DHDDS: variants seen among roughly 807,000 people sequenced by gnomAD.
DHDDS encodes dehydrodolichyl diphosphate synthase complex subunit DHDDS.
Under a neutral mutation model 46.2 loss-of-function variants are expected in DHDDS, and 16 were observed. That is an observed-to-expected ratio of 0.35 (90% CI 0.23 to 0.53). The LOEUF (loss-of-function observed/expected upper bound fraction) is 0.53. Ranked by LOEUF, DHDDS falls within the 20% of genes least tolerant of loss-of-function variation. The probability of loss-of-function intolerance (pLI) is 0.94; values close to 1 mark genes in which losing one functional copy is unlikely to be tolerated. For synonymous variants in DHDDS, 151 were observed against 163.1 expected, an observed-to-expected ratio of 0.93 and a Z score of 0.56; for missense variants, 340 against 423.7, an observed-to-expected ratio of 0.80 and a Z score of 1.73.
intron 8 of DHDDS, 152 bp downstream of exon 8, chr1:26,460,296 C>T (rs1331364342): frequency 2.8e-6 from 2 of 716,606 alleles, no homozygotes; most frequent in East Asian, 2.7e-5. Flanking sequence ...TACTACTTGT[C>T]AGGCACTGCG....
At chr1:26,442,096 A>G (rs2075224551) in intron 3 of DHDDS, among the ~76,000 whole-genome samples, 1 of 152,150 alleles carries the variant, frequency 6.6e-6, no homozygotes, top group South Asian at 2.1e-4. Flanking sequence ...TTTTTGACAT[A>G]TTCTTCAACT....
intron 2 of DHDDS, among the ~76,000 whole-genome samples, chr1:26,435,551 C>T (rs1342401540): frequency 6.7e-6 from 1 of 149,094 alleles, no homozygotes; most frequent in Non-Finnish European, 1.5e-5. Flanking sequence ...CATTCTCCTG[C>T]TTCAGCCTCC....
At chr1:26,463,811 C>T (rs980661989) in intron 8 of DHDDS, among the ~76,000 whole-genome samples, 1 of 151,640 alleles carries the variant, frequency 6.6e-6, no homozygotes, top group Non-Finnish European at 1.5e-5. Context: ...CGGCCTGAAA[C>T]TCTTGTTTCT....
At chr1:26,468,234 G>A (rs1182451733) in intron 8 of DHDDS, among the ~76,000 whole-genome samples, 1 of 152,048 alleles carries the variant, frequency 6.6e-6, no homozygotes, top group East Asian at 1.9e-4. Flanking sequence ...TCATAGGGGG[G>A]TCATTTGCTG....
At chr1:26,444,736 T>C (rs1245259833) in intron 4 of DHDDS, among the ~76,000 whole-genome samples, 1 of 152,130 alleles carries the variant, frequency 6.6e-6, no homozygotes, top group African/African-American at 2.4e-5. Flanking sequence ...GTGCAACAGA[T>C]CGAGACCCTG....
rs758618507 is a variant in DHDDS at position 26,469,108 on chromosome 1, C to T, written c.979C>T (p.Arg327Cys). ...ACTCAAGCGAGCTGACTGGCTGGCC[C>T]GTCTGGGCACTGCATCAGCCTGAAT... The part of the protein sequence containing the change: ...LELKRADWLA[R>C]LGTASA Residue 327 changes from arginine to cysteine, a missense_variant, in exon 9 of 9, where the codon CGT becomes TGT. Physicochemically the swap from Arg to Cys is radical, Grantham distance 180. This residue lies in a region of DHDDS where 268 missense variants were observed against 300.3 expected (regional missense o/e 0.89). Transcript: ENST00000236342. The T allele has an allele frequency of 9.3e-6, 15 of 1,612,288 alleles. No individual in the cohort carries two copies. The highest frequency in any genetic ancestry group is 6.7e-5 in the East Asian group (3 of 44,896).
chr1:26,467,644 C>A, intron 8 of DHDDS: 1 of 249,530 alleles, frequency 4.0e-6, no homozygotes, highest in South Asian at 4.6e-5. Flanking sequence ...ATTCTTTAAA[C>A]CATGAAGACA....
At chr1:26,442,606 C>T in intron 3 of DHDDS, 125 bp from the exon 4 acceptor site, 1 of 1,151,424 alleles carries the variant, frequency 8.7e-7, no homozygotes, top group Non-Finnish European at 1.3e-6. Context: ...CCTAGCTTCA[C>T]CCAGCTTTGG....
At position 26,469,020 on chromosome 1, in the gene DHDDS, A is replaced by G. The variant is rs2075523268; in HGVS notation, c.891A>G (p.Thr297=). The G allele has an allele frequency of 6.2e-7, 1 of 1,614,040 alleles. No individual in the cohort carries two copies. Among genetic ancestry groups the G allele is most frequent in the Non-Finnish European group, 8.5e-7 (1 of 1,180,056 alleles). Residue 297 remains threonine, a synonymous_variant, in exon 9 of 9, where the codon ACA becomes ACG. Coordinates refer to ENST00000236342, the MANE Select transcript of DHDDS (RefSeq NM_205861.3). ...QASGDAQLRR[T]RLHKLSARRE... ...GTGGGGACGCCCAGCTCCGAAGGAC[A>G]CGCTTGCACAAACTCTCGGCCAGAC...
chr1:26,469,009 C>T lies in DHDDS; in HGVS notation c.880C>T (p.Leu294Phe), dbSNP rs1159937046. The T allele has an allele frequency of 1.9e-6, 3 of 1,614,056 alleles. No individual in the cohort carries two copies. Among genetic ancestry groups the T allele is most frequent in the Non-Finnish European group, 1.7e-6 (2 of 1,180,056 alleles). Residue 294 changes from leucine (L) to phenylalanine (F), a missense_variant, in exon 9 of 9, where the codon CTC becomes TTC. Around this residue, in one of 2 missense-constraint regions of DHDDS, gnomAD observed 268 missense variants for 300.3 expected, o/e 0.89. Coordinates refer to ENST00000236342, the MANE Select transcript of DHDDS (RefSeq NM_205861.3). ...EGLQASGDAQ[L>F]RRTRLHKLSA... ...GCTCCAAGCCAGTGGGGACGCCCAGCTCCGAAGGACACGCTTGCACAAACT... is the reference window on the plus strand; with the variant it reads ...GCTCCAAGCCAGTGGGGACGCCCAGTTCCGAAGGACACGCTTGCACAAACT...
intron 8 of DHDDS, among the ~76,000 whole-genome samples, chr1:26,461,383 C>CT (rs71581068): frequency 0.058 from 7,951 of 136,442 alleles, 305 homozygotes; most frequent in Admixed American, 0.085. Flanking sequence ...ACATAGAATA[C>CT]TTTTTTTTTT....
chr1:26,437,579 T>A, intron 2 of DHDDS, among the ~76,000 whole-genome samples: 1 of 151,874 alleles, frequency 6.6e-6, no homozygotes, highest in East Asian at 1.9e-4. Flanking sequence ...CAAGCGATTC[T>A]CCTGCCTCAG....
chr1:26,454,116 G>A (rs1197877123), intron 6 of DHDDS, among the ~76,000 whole-genome samples: 1 of 152,040 alleles, frequency 6.6e-6, no homozygotes, highest in African/African-American at 2.4e-5. Flanking sequence ...ACCACGCCCG[G>A]CTAATTTTTT....
chr1:26,438,016 T>C (rs1233227420), intron 2 of DHDDS, 152 bp from the exon 3 acceptor site: 2 of 747,704 alleles, frequency 2.7e-6, no homozygotes. Flanking sequence ...TAAACTTTAA[T>C]GTCTTTTTAC....
At chr1:26,442,172 C>T (rs2075225126) in intron 3 of DHDDS, among the ~76,000 whole-genome samples, 1 of 152,098 alleles carries the variant, frequency 6.6e-6, no homozygotes, top group Non-Finnish European at 1.5e-5. Context: ...AGTGGTTGTT[C>T]AAAGAATCAA....
At chr1:26,455,052 T>C in intron 6 of DHDDS, 1 of 1,067,244 alleles carries the variant, frequency 9.4e-7, no homozygotes, top group Non-Finnish European at 1.5e-6. Flanking sequence ...TTCAGGTACT[T>C]CATGGCTTTT....
rs2075388076 is a variant in DHDDS at position 26,458,039 on chromosome 1, G to T, written c.657+134G>T. On this transcript the variant is annotated intron_variant, in intron 7 of 8. Transcript: ENST00000236342. ...TACTTCTGGGGAAAGCTAAAATCTGGAGAAGCATCTCTAGGCTGTGTCTCA... is the reference window on the plus strand; with the variant it reads ...TACTTCTGGGGAAAGCTAAAATCTGTAGAAGCATCTCTAGGCTGTGTCTCA... The T allele has an allele frequency of 1.1e-5, 8 of 748,638 alleles. No individual in the cohort carries two copies. The Admixed American group carries it at 1.6e-4, about 15-fold the overall frequency. 46.4% of individuals were successfully genotyped at this position (748,638 alleles called of 1,614,324 possible).
chr1:26,433,650 A>G (rs1053363046), intron 2 of DHDDS, among the ~76,000 whole-genome samples: 3 of 150,436 alleles, frequency 2.0e-5, no homozygotes, highest in Non-Finnish European at 4.4e-5. Context: ...TCTCAAAAAA[A>G]AGAGTTCAGA....
intron 8 of DHDDS, among the ~76,000 whole-genome samples, chr1:26,468,476 T>C (rs1314753410): frequency 6.6e-6 from 1 of 152,158 alleles, no homozygotes; most frequent in African/African-American, 2.4e-5. Context: ...GAGAGGATTT[T>C]GCATATGTTA....
Sources: gnomAD v4.1 joint callset for allele counts (sites outside exome capture counted in the v4.1 genomes callset) on GRCh38, gnomAD v4.1.1 for gene constraint, gnomAD v4.1.1 regional missense constraint, MANE v1.5 for transcripts, NCBI Gene and HGNC (gene_info 2026-07-23, HGNC 2026-07-21) for gene names.